The following PHLDB2 variants were observed in gnomAD, a reference collection of about 807,000 sequenced individuals.
PHLDB2 encodes pleckstrin homology-like domain family B member 2.
PHLDB2 carries 71 observed loss-of-function variants against 123.6 expected under a neutral mutation model. The observed-to-expected ratio is 0.57, with a 90% CI of 0.47 to 0.70. The LOEUF (loss-of-function observed/expected upper bound fraction) is 0.70, where lower values mean the gene tolerates loss of function less well. PHLDB2 is among the 30% of genes least tolerant of loss of function. PHLDB2 has a pLI of 0.00. For missense variants in PHLDB2, 1,446 were observed against 1,519.5 expected (o/e 0.95, Z 0.80); for synonymous variants, 547 against 541.6 (o/e 1.01, Z -0.14).
chr3:111,855,787 T>C (rs931599778), upstream of PHLDB2, among the ~76,000 whole-genome samples: 1 of 151,956 alleles, frequency 6.6e-6, no homozygotes, highest in African/African-American at 2.4e-5. Context: ...TGCACCACCA[T>C]GCCCGGCTAA....
At chr3:111,853,514 G>T (rs1448111914) in intron 2 of PHLDB2, among the ~76,000 whole-genome samples, 1 of 152,104 alleles carries the variant, frequency 6.6e-6, no homozygotes, top group Non-Finnish European at 1.5e-5. Context: ...CTACTCTGCT[G>T]GGTGTTCTTT....
chr3:111,760,899 T>A (rs2108010839), intron 1 of PHLDB2, among the ~76,000 whole-genome samples: 1 of 152,200 alleles, frequency 6.6e-6, no homozygotes, highest in African/African-American at 2.4e-5. Context: ...CCTTTAGAAC[T>A]AAGTCGGCCA....
At chr3:111,780,041 G>A (rs2060345874) in intron 1 of PHLDB2, among the ~76,000 whole-genome samples, 1 of 151,772 alleles carries the variant, frequency 6.6e-6, no homozygotes, top group African/African-American at 2.4e-5. Flanking sequence ...ATTTGTCACA[G>A]TAAGTTCTCA....
chr3:111,752,643 T>A (rs2059802312), intron 1 of PHLDB2, among the ~76,000 whole-genome samples: 1 of 137,428 alleles, frequency 7.3e-6, no homozygotes, highest in Non-Finnish European at 1.5e-5. Context: ...TATTATTATT[T>A]TATTTTATTT....
chr3:111,949,037 G>C lies in PHLDB2; in HGVS notation c.2593G>C (p.Ala865Pro), dbSNP rs774982932. 2 of 1,613,806 alleles carry C rather than the reference G, an allele frequency of 1.2e-6. No individual in the cohort carries two copies. Among genetic ancestry groups the C allele is most frequent in the Admixed American group, 3.3e-5 (2 of 59,996 alleles). ...ADADAVATEP[A>P]TAVLASQPQS... ...TGCTGATGCTGTTGCCACTGAGCCT[G>C]CCACAGCTGTGCTGGCGAGCCAGCC... The change falls in exon 10 of 18, where the codon GCC becomes CCC. Residue 865 changes from alanine (A) to proline (P), a missense_variant. This residue lies in a region of PHLDB2 where 594 missense variants were observed against 646.0 expected (regional missense o/e 0.92). Coordinates refer to ENST00000431670, the MANE Select transcript of PHLDB2 (RefSeq NM_001134438.2).
In PHLDB2 at chr3:111,966,695, G is replaced by C; in HGVS notation, c.3160G>C (p.Glu1054Gln). 2 of 1,612,154 alleles carry C rather than the reference G, an allele frequency of 1.2e-6. No homozygotes were observed. Among genetic ancestry groups the C allele is most frequent in the Non-Finnish European group, 1.7e-6 (2 of 1,179,052 alleles). ...QAHAEKTRLL[E>Q]SREREMEAKK... ...TCATGCAGAAAAGACGCGGCTGCTC[G>C]AATCCAGGGTAAGCTTCATATTTTC... The change falls in exon 14 of 18, where the codon GAA becomes CAA. Residue 1054 changes from glutamate (E) to glutamine (Q), a missense_variant. Transcript: ENST00000431670.
At chr3:111,751,975 G>A (rs968722024) in intron 1 of PHLDB2, among the ~76,000 whole-genome samples, 1 of 152,126 alleles carries the variant, frequency 6.6e-6, no homozygotes, top group African/African-American at 2.4e-5. Flanking sequence ...TTTTGCTAAG[G>A]CATGTGATAG....
At chr3:111,733,787 A>AT (rs1453999706) in intron 1 of PHLDB2, among the ~76,000 whole-genome samples, 1 of 152,236 alleles carries the variant, frequency 6.6e-6, no homozygotes, top group African/African-American at 2.4e-5. Flanking sequence ...AAGTCTGAAT[A>AT]TAACTCCTCT....
chr3:111,883,273 G>A (rs1262370152), intron 1 of PHLDB2, among the ~76,000 whole-genome samples: 2 of 152,170 alleles, frequency 1.3e-5, no homozygotes, highest in Non-Finnish European at 2.9e-5. Flanking sequence ...AATTTTAATG[G>A]TGGAAGATAG....
intron 1 of PHLDB2, among the ~76,000 whole-genome samples, chr3:111,835,029 A>G (rs2063335696): frequency 6.6e-6 from 1 of 152,162 alleles, no homozygotes; most frequent in Admixed American, 6.6e-5. Flanking sequence ...CTATGCTTCA[A>G]GATCCCTCAC....
chr3:111,860,435 CCT>C (rs2064771397), intron 1 of PHLDB2, among the ~76,000 whole-genome samples: 1 of 152,326 alleles, frequency 6.6e-6, no homozygotes, highest in African/African-American at 2.4e-5. Context: ...GTATTTTAAC[CCT>C]CTGTTTCTCC....
At chr3:111,809,842 A>C (rs571562346) in intron 1 of PHLDB2, among the ~76,000 whole-genome samples, 1 of 152,210 alleles carries the variant, frequency 6.6e-6, no homozygotes, top group Non-Finnish European at 1.5e-5. Flanking sequence ...AAGAGTTTAG[A>C]TACACCTCAA....
At position 111,834,246 on chromosome 3, in the gene PHLDB2, T is replaced by TTATATATATAATTCTATTATATATAA. The variant is rs1559858375; in HGVS notation, c.-48-11552_-48-11551insTAATATATATATAATTCTATTATATA. On this transcript the variant is annotated intron_variant, in intron 1 of 17. Transcript: ENST00000393923. ...TATATATATTATGTATATAATAGAA[T>TTATATATATAATTCTATTATATATAA]TATATATATAATTCTATTATATACA... is the stretch of plus-strand genomic sequence containing the variant. Among the ~76,000 whole-genome samples, 2 of 89,886 alleles carry TTATATATATAATTCTATTATATATAA rather than the reference T, an allele frequency of 2.2e-5. 1 individual carries two copies. The highest frequency in any genetic ancestry group is 1.6e-4 in the African/African-American group (2 of 12,432). 59.0% of individuals were successfully genotyped at this position (89,886 alleles called of 152,430 possible).
chr3:111,933,973 T>C (rs372880127), intron 6 of PHLDB2, among the ~76,000 whole-genome samples: 2 of 152,242 alleles, frequency 1.3e-5, no homozygotes, highest in East Asian at 1.9e-4. Context: ...ACAACTTGGA[T>C]TATGATTAAC....
rs2066071442 is a variant in PHLDB2, at chr3:111,884,301, T to C, written c.224T>C (p.Leu75Ser). ...CCTGCAAAGAGAAGCCCTTCTCCTTTGGGAACCAGTGTCAGAAGCAGCCCC... is the reference window on the plus strand; with the variant it reads ...CCTGCAAAGAGAAGCCCTTCTCCTTCGGGAACCAGTGTCAGAAGCAGCCCC... ...PVPAKRSPSPLGTSVRSSPSL... is the reference protein window; with the variant it reads ...PVPAKRSPSPSGTSVRSSPSL... Residue 75 changes from leucine to serine, a missense_variant, in exon 2 of 18, where the codon TTG becomes TCG. Around this residue, in one of 3 missense-constraint regions of PHLDB2, gnomAD observed 832 missense variants for 831.9 expected, o/e 1.00. Transcript: ENST00000431670. 6.2e-7 allele frequency: 1 copy of C among 1,614,094 alleles called. No individual in the cohort carries two copies. Among genetic ancestry groups the C allele is most frequent in the African/African-American group, 1.3e-5 (1 of 74,932 alleles).
At chr3:111,858,830 CA>C (rs979484274), upstream of PHLDB2, among the ~76,000 whole-genome samples, 2 of 152,146 alleles carry the variant, frequency 1.3e-5, no homozygotes, top group Non-Finnish European at 2.9e-5. Flanking sequence ...GGGACTCGCC[CA>C]GACCTTGGAA....
chr3:111,902,785 T>C (rs1403764242), intron 2 of PHLDB2, among the ~76,000 whole-genome samples: 1 of 152,116 alleles, frequency 6.6e-6, no homozygotes, highest in Non-Finnish European at 1.5e-5. Flanking sequence ...ACTACAGGCG[T>C]GAGCCACCAT....
At chr3:111,898,991 A>G (rs1191396792) in intron 2 of PHLDB2, among the ~76,000 whole-genome samples, 1 of 152,204 alleles carries the variant, frequency 6.6e-6, no homozygotes, top group Non-Finnish European at 1.5e-5. Flanking sequence ...TTCTGAACCA[A>G]AATGTATTTA....
intron 1 of PHLDB2, among the ~76,000 whole-genome samples, chr3:111,750,328 TAC>T (rs1195283509): frequency 6.6e-6 from 1 of 152,204 alleles, no homozygotes; most frequent in African/African-American, 2.4e-5. Flanking sequence ...TTGAGAAGCC[TAC>T]AGAGTCTCAG....
Sources: allele counts gnomAD v4.1 joint callset (sites outside exome capture counted in the v4.1 genomes callset), GRCh38; gene constraint gnomAD v4.1.1; regional missense constraint gnomAD v4.1.1; transcripts MANE v1.5; gene names NCBI Gene and HGNC (gene_info 2026-07-23, HGNC 2026-07-21).